The following KITLG variants were observed in gnomAD, a reference collection of about 807,000 sequenced individuals.
KITLG encodes c-Kit ligand.
A neutral mutation model predicts 34.1 loss-of-function variants in KITLG; 13 were observed. That is an observed-to-expected ratio of 0.38 (90% CI 0.25 to 0.61). KITLG has a LOEUF of 0.61. Ranked by LOEUF, KITLG falls within the 20% of genes least tolerant of loss-of-function variation. The pLI, the probability that KITLG is intolerant of heterozygous loss-of-function variation, is 0.60. For missense variants in KITLG, 292 were observed against 318.9 expected, an observed-to-expected ratio of 0.92 and a Z score of 0.64; for synonymous variants, 110 against 104.0, an observed-to-expected ratio of 1.06 and a Z score of -0.35.
intron 1 of KITLG, among the ~76,000 whole-genome samples, chr12:88,554,485 T>G (rs1871031766): frequency 1.3e-5 from 2 of 152,188 alleles, no homozygotes; most frequent in Non-Finnish European, 2.9e-5. Flanking sequence ...CATCTTCTCT[T>G]TAATCCTGCA....
At chr12:88,542,671 A>G (rs1350616414) in intron 2 of KITLG, among the ~76,000 whole-genome samples, 1 of 152,036 alleles carries the variant, frequency 6.6e-6, no homozygotes, top group Non-Finnish European at 1.5e-5. Context: ...CTCTATAAAC[A>G]TTATGGCCTA....
intron 1 of KITLG, among the ~76,000 whole-genome samples, chr12:88,569,292 T>TA (rs1871563185): frequency 6.6e-6 from 1 of 152,178 alleles, no homozygotes; most frequent in Non-Finnish European, 1.5e-5. Context: ...ATTCTAATTA[T>TA]ACACATTTTT....
chr12:88,574,258 GAA>G (rs969088720), intron 1 of KITLG, among the ~76,000 whole-genome samples: 4 of 134,960 alleles, frequency 3.0e-5, no homozygotes, highest in Admixed American at 3.0e-4. Context: ...ATGTCAACAA[GAA>G]AAGACTGCCA....
At chr12:88,525,245 T>C (rs1485305104) in intron 3 of KITLG, among the ~76,000 whole-genome samples, 1 of 152,194 alleles carries the variant, frequency 6.6e-6, no homozygotes, top group Non-Finnish European at 1.5e-5. Flanking sequence ...CTGGTTCCAG[T>C]CTTTTCATGG....
chr12:88,561,887 A>G (rs1871308995), intron 1 of KITLG, among the ~76,000 whole-genome samples: 1 of 152,014 alleles, frequency 6.6e-6, no homozygotes, highest in Non-Finnish European at 1.5e-5. Flanking sequence ...ATCATTCAGG[A>G]CTCAGTTCAA....
In KITLG at chr12:88,507,086, G is replaced by C; in HGVS notation, c.656C>G (p.Ala219Gly). ...GDSSLHWAAM[A>G]LPALFSLIIG... ...TATAAGAGAAAACAATGCTGGCAAT[G>C]CCATGGCTGCCCAGTGTAGGCTGGA... Residue 219 changes from alanine (A) to glycine (G), a missense_variant, in exon 7 of 10, where the codon GCA (alanine) becomes GGA (glycine). Ala to Gly is a moderately conservative substitution (Grantham distance 60, BLOSUM62 0). This residue lies in a region of KITLG where 140 missense variants were observed against 111.0 expected (regional missense o/e 1.26). Coordinates refer to ENST00000644744, the MANE Select transcript of KITLG (RefSeq NM_000899.5). 6.2e-7 allele frequency: 1 copy of C among 1,613,808 alleles called. No individual in the cohort carries two copies. Among genetic ancestry groups the C allele is most frequent in the African/African-American group, 1.3e-5 (1 of 75,048 alleles).
intron 2 of KITLG, among the ~76,000 whole-genome samples, chr12:88,541,430 A>G (rs71454127): frequency 6.9e-4 from 105 of 152,300 alleles, no homozygotes; most frequent in Non-Finnish European, 1.4e-3. Context: ...ACAAAATCAT[A>G]TTGAGTTAAA....
intron 1 of KITLG, among the ~76,000 whole-genome samples, chr12:88,560,473 C>T (rs1382044037): frequency 6.6e-6 from 1 of 152,154 alleles, no homozygotes; most frequent in Non-Finnish European, 1.5e-5. Context: ...GATTAAAGAT[C>T]AGCCCTGGAA....
At chr12:88,572,521 T>G (rs1871684866) in intron 1 of KITLG, among the ~76,000 whole-genome samples, 1 of 148,998 alleles carries the variant, frequency 6.7e-6, no homozygotes, top group African/African-American at 2.4e-5. Flanking sequence ...GAAGTAAAGT[T>G]TTAAAAACAC....
chr12:88,544,357 C>G (rs187915814), intron 2 of KITLG, among the ~76,000 whole-genome samples: 3 of 152,186 alleles, frequency 2.0e-5, no homozygotes, highest in Admixed American at 1.3e-4. Context: ...TAAGGTCACA[C>G]AGCCATCACA....
At chr12:88,539,117 C>T (rs1870430021) in intron 2 of KITLG, among the ~76,000 whole-genome samples, 1 of 152,134 alleles carries the variant, frequency 6.6e-6, no homozygotes, top group East Asian at 1.9e-4. Flanking sequence ...AAAGTCAGAA[C>T]ACTTAACTTC....
At chr12:88,522,536 T>C (rs959435801) in intron 3 of KITLG, among the ~76,000 whole-genome samples, 1 of 150,360 alleles carries the variant, frequency 6.7e-6, no homozygotes, top group Non-Finnish European at 1.5e-5. Context: ...CAAGCGATTC[T>C]CCTGCTTCAG....
chr12:88,532,377 A>T lies in KITLG; in HGVS notation c.192+64T>A, dbSNP rs565047108. 4.2e-5 allele frequency: 49 copies of T among 1,160,724 alleles called. No homozygotes were observed. In the African/African-American group the frequency reaches 6.3e-4, roughly 15 times the overall value. 71.9% of individuals were successfully genotyped at this position (1,160,724 alleles called of 1,614,324 possible). On this transcript the variant is annotated intron_variant, in intron 3 of 9. Coordinates refer to ENST00000644744, the MANE Select transcript of KITLG (RefSeq NM_000899.5). Reference sequence around the variant, plus strand: ...AAATAGCAGCTAGTGTACTATCTCAATATGAATGATCCCATTTCTTCTATG... The same window carrying T: ...AAATAGCAGCTAGTGTACTATCTCATTATGAATGATCCCATTTCTTCTATG...
At position 88,493,689 on chromosome 12, in the gene KITLG, T is replaced by A. The variant is rs1054544892; in HGVS notation, c.*3530A>T. The A allele has an allele frequency of 6.6e-6, 1 of 151,966 alleles. No individual in the cohort carries two copies. The highest frequency in any genetic ancestry group is 1.5e-5 in the Non-Finnish European group (1 of 67,876). The allele number at this position is 151,966 out of a possible 1,614,324, so 9.4% of individuals were successfully genotyped here. On this transcript the variant is annotated 3_prime_UTR_variant, in exon 10 of 10. Coordinates refer to ENST00000644744, the MANE Select transcript of KITLG (RefSeq NM_000899.5). Reference sequence around the variant, plus strand: ...AAACCTTCATGAGCATTTTACATTTTCTGCTCTTAGTTTTCAATAAAATGA... The same window carrying A: ...AAACCTTCATGAGCATTTTACATTTACTGCTCTTAGTTTTCAATAAAATGA...
chr12:88,503,367 G>C (rs1868938405), intron 9 of KITLG, among the ~76,000 whole-genome samples: 1 of 152,114 alleles, frequency 6.6e-6, no homozygotes, highest in African/African-American at 2.4e-5. Context: ...AAGCTGGAAG[G>C]GCAGTGACTT....
intron 1 of KITLG, among the ~76,000 whole-genome samples, chr12:88,562,975 A>G (rs1030308631): frequency 6.6e-6 from 1 of 152,234 alleles, no homozygotes; most frequent in Non-Finnish European, 1.5e-5. Context: ...CACTGAAAGT[A>G]TCACACAGAG....
chr12:88,551,642 A>C (rs1178558940), intron 1 of KITLG, among the ~76,000 whole-genome samples: 1 of 152,186 alleles, frequency 6.6e-6, no homozygotes, highest in Non-Finnish European at 1.5e-5. Context: ...TCAGGTCATT[A>C]CTTGCAACAT....
chr12:88,517,142 G>T (rs1869488755), intron 4 of KITLG, among the ~76,000 whole-genome samples: 1 of 151,830 alleles, frequency 6.6e-6, no homozygotes, highest in African/African-American at 2.4e-5. Flanking sequence ...AATAACTAGT[G>T]ATATATTGAA....
intron 1 of KITLG, 126 bp from the exon 2 acceptor site, chr12:88,545,991 A>G (rs758870220): frequency 2.7e-6 from 2 of 745,422 alleles, no homozygotes; most frequent in Non-Finnish European, 4.9e-6. Context: ...CTTAAATGCA[A>G]TTAAATATTA....
Sources: gnomAD v4.1 joint callset for allele counts (sites outside exome capture counted in the v4.1 genomes callset) on GRCh38, gnomAD v4.1.1 for gene constraint, gnomAD v4.1.1 regional missense constraint, MANE v1.5 for transcripts, NCBI Gene and HGNC (gene_info 2026-07-23, HGNC 2026-07-21) for gene names.